ASB3: variants seen among roughly 807,000 people sequenced by gnomAD.
The protein encoded by ASB3 is ankyrin repeat and SOCS box containing 3.
In ASB3, 41 loss-of-function variants were observed where a neutral mutation model predicts 54.5. The observed-to-expected ratio is 0.75, with a 90% confidence interval of 0.59 to 0.98. ASB3 has a LOEUF of 0.98. Ranked by LOEUF, ASB3 falls within the 50% of genes least tolerant of loss-of-function variation. The probability of loss-of-function intolerance (pLI) is 0.00; values close to 1 mark genes in which losing one functional copy is unlikely to be tolerated. For synonymous variants in ASB3, 266 were observed against 221.2 expected (o/e 1.20, Z -1.80); for missense variants, 733 against 620.0 (o/e 1.18, Z -1.94).
chr2:53,704,935 C>G (rs180811962), intron 7 of ASB3, among the ~76,000 whole-genome samples: 4 of 152,264 alleles, frequency 2.6e-5, no homozygotes, highest in Non-Finnish European at 5.9e-5. Context: ...CTGCATTTGC[C>G]TTTTGAAGCC....
At chr2:53,683,690 A>G (rs1668495827) in intron 9 of ASB3, among the ~76,000 whole-genome samples, 3 of 152,026 alleles carry the variant, frequency 2.0e-5, no homozygotes, top group South Asian at 4.1e-4. Context: ...GGACTTCTTC[A>G]TTGTTCAATC....
intron 5 of ASB3, among the ~76,000 whole-genome samples, chr2:53,721,001 C>A (rs1420822966): frequency 1.3e-5 from 2 of 151,730 alleles, no homozygotes; most frequent in Admixed American, 1.3e-4. Flanking sequence ...CGCCTGTAAT[C>A]CCAGGTACTC....
intron 5 of ASB3, among the ~76,000 whole-genome samples, chr2:53,723,592 T>C (rs1670831478): frequency 6.6e-6 from 1 of 152,092 alleles, no homozygotes; most frequent in South Asian, 2.1e-4. Context: ...TTTCTTAAAT[T>C]CATATGGAAC....
intron 7 of ASB3, among the ~76,000 whole-genome samples, chr2:53,702,911 G>C (rs1290203627): frequency 6.6e-6 from 1 of 152,226 alleles, no homozygotes; most frequent in Non-Finnish European, 1.5e-5. Context: ...AGGCCAAATA[G>C]TGAGTTTTAC....
intron 8 of ASB3, among the ~76,000 whole-genome samples, chr2:53,700,062 C>A (rs1464206177): frequency 6.6e-6 from 1 of 152,090 alleles, no homozygotes; most frequent in Non-Finnish European, 1.5e-5. Flanking sequence ...TCCCCTCATA[C>A]CTCCTTCCAG....
intron 3 of ASB3, among the ~76,000 whole-genome samples, chr2:53,748,852 G>A (rs186382162): frequency 1.3e-5 from 2 of 152,048 alleles, no homozygotes; most frequent in Non-Finnish European, 2.9e-5. Flanking sequence ...CGAAAAAATT[G>A]AATGAGGGCT....
At chr2:53,747,566 C>T (rs1672293519) in intron 3 of ASB3, among the ~76,000 whole-genome samples, 2 of 152,144 alleles carry the variant, frequency 1.3e-5, no homozygotes, top group Admixed American at 1.3e-4. Flanking sequence ...CGTTTCAAAG[C>T]TCTGCGATAA....
chr2:53,730,214 T>C (rs1019603532), intron 3 of ASB3, among the ~76,000 whole-genome samples: 5 of 152,132 alleles, frequency 3.3e-5, no homozygotes, highest in African/African-American at 4.8e-5. Flanking sequence ...AAGCACGAAG[T>C]TAATGAAAAA....
intron 1 of ASB3, among the ~76,000 whole-genome samples, chr2:53,772,628 G>T (rs1044690435): frequency 1.5e-4 from 23 of 151,432 alleles, no homozygotes; most frequent in African/African-American, 5.6e-4. Context: ...CTCATTTTCA[G>T]CAGAAATCTA....
At chr2:53,739,874 A>G (rs1205027325) in intron 3 of ASB3, among the ~76,000 whole-genome samples, 1 of 152,042 alleles carries the variant, frequency 6.6e-6, no homozygotes, top group Non-Finnish European at 1.5e-5. Context: ...AGGTCTTGCT[A>G]TGTTGCCTAG....
intron 1 of ASB3, among the ~76,000 whole-genome samples, chr2:53,771,714 AAC>A (rs919273418): frequency 7.2e-5 from 11 of 152,320 alleles, no homozygotes; most frequent in Non-Finnish European, 1.3e-4. Context: ...TAGAAAGGCC[AAC>A]ACAGTCTCTA....
At chr2:53,708,856 G>A (rs1669936892) in intron 7 of ASB3, among the ~76,000 whole-genome samples, 1 of 152,216 alleles carries the variant, frequency 6.6e-6, no homozygotes, top group Admixed American at 6.5e-5. Context: ...AAAGCAGCCT[G>A]TCTGCTTGTA....
intron 2 of ASB3, among the ~76,000 whole-genome samples, chr2:53,762,543 A>G (rs886665500): frequency 6.6e-6 from 1 of 152,246 alleles, no homozygotes; most frequent in Non-Finnish European, 1.5e-5. Flanking sequence ...AAAAAATACT[A>G]TGAGCTAGAT....
At chr2:53,767,762 C>T in intron 1 of ASB3, 1 of 1,154,984 alleles carries the variant, frequency 8.7e-7, no homozygotes, top group Non-Finnish European at 1.2e-6. Context: ...GTGCGCTTTG[C>T]GCCCCAAGTG....
chr2:53,679,886 C>T (rs1668273349), intron 9 of ASB3, among the ~76,000 whole-genome samples: 1 of 151,912 alleles, frequency 6.6e-6, no homozygotes, highest in Admixed American at 6.6e-5. Flanking sequence ...TTTCCTGGTC[C>T]TCTCCTTCCT....
chr2:53,688,610 AC>A (rs1253282388), intron 9 of ASB3, among the ~76,000 whole-genome samples: 1 of 152,220 alleles, frequency 6.6e-6, no homozygotes, highest in Non-Finnish European at 1.5e-5. Context: ...AATTGAGGAA[AC>A]CAAAGCTCAG....
At position 53,700,465 on chromosome 2, in the gene ASB3, A is replaced by G. The variant is rs1262262960; in HGVS notation, c.1044T>C (p.His348=). ...TCTCGTACTTCAGGCAGTATGCCAA[A>G]TGAAGTTCATTTATCTGGGCTCCAT... ...LKYGAQINEL[H]LAYCLKYEKF... Residue 348 remains histidine, a synonymous_variant, in exon 8 of 10, where the codon CAT becomes CAC. Transcript: ENST00000263634. 2 of 1,614,136 alleles carry G rather than the reference A, an allele frequency of 1.2e-6. No homozygotes were observed. Among genetic ancestry groups the G allele is most frequent in the Non-Finnish European group, 1.7e-6 (2 of 1,179,998 alleles).
chr2:53,728,939 C>A, intron 4 of ASB3, 92 bp from the exon 5 acceptor site: 3 of 1,391,374 alleles, frequency 2.2e-6, no homozygotes, highest in Non-Finnish European at 1.9e-6. Context: ...CTTTTTTATC[C>A]TCTCACTAAA....
intron 8 of ASB3, among the ~76,000 whole-genome samples, chr2:53,696,555 A>G (rs561577062): frequency 3.9e-5 from 6 of 152,302 alleles, no homozygotes; most frequent in African/African-American, 1.4e-4. Context: ...GGTTTTTCCT[A>G]ATTTAGGAGC....
Sources: allele counts gnomAD v4.1 joint callset (sites outside exome capture counted in the v4.1 genomes callset), GRCh38; gene constraint gnomAD v4.1.1; transcripts MANE v1.5; gene names NCBI Gene and HGNC (gene_info 2026-07-23, HGNC 2026-07-21).